KCNK2: variants seen among roughly 807,000 people sequenced by gnomAD.
The protein encoded by KCNK2 is potassium two pore domain channel subfamily K member 2.
KCNK2 carries 21 observed loss-of-function variants against 40.5 expected under a neutral mutation model. That is an observed-to-expected ratio of 0.52 (90% CI 0.37 to 0.75). The LOEUF is 0.75. KCNK2 is among the 30% of genes least tolerant of loss of function. KCNK2 has a pLI of 0.00. For missense variants in KCNK2, 399 were observed against 531.6 expected, an observed-to-expected ratio of 0.75 and a Z score of 2.45; for synonymous variants, 191 against 202.2, an observed-to-expected ratio of 0.94 and a Z score of 0.47.
chr1:215,206,715 C>T (rs920257120), intron 6 of KCNK2, among the ~76,000 whole-genome samples: 21 of 152,156 alleles, frequency 1.4e-4, no homozygotes, highest in Admixed American at 7.2e-4. Flanking sequence ...TCTTTGTTCA[C>T]GTGAGCACAT....
At chr1:215,111,204 A>G (rs565001210) in intron 2 of KCNK2, among the ~76,000 whole-genome samples, 2 of 152,004 alleles carry the variant, frequency 1.3e-5, no homozygotes, top group East Asian at 3.9e-4. Flanking sequence ...TCTGATTTGG[A>G]TGTCTTTTAT....
At chr1:215,177,740 A>ATATATAT (rs71167812) in intron 5 of KCNK2, among the ~76,000 whole-genome samples, 1,471 of 101,544 alleles carry the variant, frequency 0.014, 26 homozygotes, top group Non-Finnish European at 0.022. Context: ...ATATATATAT[A>ATATATAT]TTTTTTTTTT....
chr1:215,128,064 A>AGTT (rs1408231292), intron 3 of KCNK2, among the ~76,000 whole-genome samples: 2 of 152,202 alleles, frequency 1.3e-5, no homozygotes, highest in Admixed American at 1.3e-4. Context: ...GTGTGCCAAG[A>AGTT]GTTGTGAGTT....
chr1:215,216,830 A>T (rs1193389977), intron 6 of KCNK2, among the ~76,000 whole-genome samples: 1 of 152,166 alleles, frequency 6.6e-6, no homozygotes, highest in Non-Finnish European at 1.5e-5. Context: ...GACTGGCCGC[A>T]TTTAAAGCAC....
chr1:215,144,059 A>T (rs1358754172), intron 3 of KCNK2, among the ~76,000 whole-genome samples: 1 of 152,188 alleles, frequency 6.6e-6, no homozygotes. Context: ...TGCCTTTACC[A>T]TGTGTGAGAA....
chr1:215,214,637 G>A (rs1665884626), intron 6 of KCNK2, among the ~76,000 whole-genome samples: 1 of 151,976 alleles, frequency 6.6e-6, no homozygotes, highest in Non-Finnish European at 1.5e-5. Flanking sequence ...ACCAGCCTGG[G>A]CAACATGGCA....
chr1:215,006,970 G>C (rs1258059009), intron 1 of KCNK2, among the ~76,000 whole-genome samples: 1 of 132,852 alleles, frequency 7.5e-6, no homozygotes, highest in African/African-American at 2.9e-5. Flanking sequence ...CATTGGAAGG[G>C]TATCACTAAG....
intron 2 of KCNK2, among the ~76,000 whole-genome samples, chr1:215,101,994 T>C (rs1277038966): frequency 2.0e-5 from 3 of 151,996 alleles, no homozygotes; most frequent in Admixed American, 6.6e-5. Context: ...ATTTTTTGAG[T>C]TTTTAAATTG....
intron 1 of KCNK2, among the ~76,000 whole-genome samples, chr1:215,054,673 C>T (rs1166282339): frequency 6.6e-6 from 1 of 152,128 alleles, no homozygotes; most frequent in Non-Finnish European, 1.5e-5. Flanking sequence ...CTATAAATAA[C>T]AAGTGATAAT....
Position 215,168,248 on chromosome 1 carries a change from T to G in KCNK2, c.476-951T>G, listed in dbSNP as rs188851129. ...TGGAGAAATAGGAACACTTTTATAC[T>G]GTTGGTGGAAATGTAAATTAGTTCA... On this transcript the variant is annotated intron_variant, in intron 3 of 6. Transcript: ENST00000444842. Among the ~76,000 whole-genome samples, 97 of 152,322 alleles carry G rather than the reference T, an allele frequency of 6.4e-4. 1 individual carries two copies. Among genetic ancestry groups the G allele is most frequent in the African/African-American group, 2.0e-3 (85 of 41,580 alleles).
At chr1:215,101,475 T>C (rs1024034880) in intron 2 of KCNK2, among the ~76,000 whole-genome samples, 1 of 151,902 alleles carries the variant, frequency 6.6e-6, no homozygotes, top group Non-Finnish European at 1.5e-5. Flanking sequence ...CTTGATGTGT[T>C]CTAAGACCCA....
At chr1:215,009,113 G>A (rs1412342529) in intron 1 of KCNK2, among the ~76,000 whole-genome samples, 1 of 152,030 alleles carries the variant, frequency 6.6e-6, no homozygotes, top group African/African-American at 2.4e-5. Context: ...AAGTTTAAGG[G>A]CTGAAACTGT....
intron 1 of KCNK2, among the ~76,000 whole-genome samples, chr1:215,062,154 G>C (rs903544226): frequency 1.2e-4 from 18 of 152,260 alleles, no homozygotes; most frequent in Non-Finnish European, 2.5e-4. Flanking sequence ...GTCTCTGACA[G>C]AGTTAATTGT....
intron 3 of KCNK2, among the ~76,000 whole-genome samples, chr1:215,167,551 T>C (rs1663503459): frequency 6.6e-6 from 1 of 152,148 alleles, no homozygotes; most frequent in South Asian, 2.1e-4. Flanking sequence ...GCTACTTGAA[T>C]AGTAACAAGT....
rs542502415 is a variant in KCNK2 at position 215,096,932 on chromosome 1, A to G, written c.357+10254A>G. Among the ~76,000 whole-genome samples, 9 of 152,012 alleles carry G rather than the reference A, an allele frequency of 5.9e-5. No homozygotes were observed. In the South Asian group the frequency reaches 1.9e-3, roughly 32 times the overall value. On this transcript the variant is annotated intron_variant, in intron 2 of 6. Transcript: ENST00000444842. Reference sequence around the variant, plus strand: ...CCTTCTAATTTTTAAAAGTTCTTCAACAATAGTGCTTTGCTTTGTGTTCTT... The same window carrying G: ...CCTTCTAATTTTTAAAAGTTCTTCAGCAATAGTGCTTTGCTTTGTGTTCTT...
chr1:215,149,108 G>A (rs970835226), intron 3 of KCNK2, among the ~76,000 whole-genome samples: 1 of 152,130 alleles, frequency 6.6e-6, no homozygotes, highest in African/African-American at 2.4e-5. Context: ...GAAAGAGTTG[G>A]TTATTAGGAG....
chr1:215,139,996 A>G (rs1033260000), intron 3 of KCNK2, among the ~76,000 whole-genome samples: 1 of 152,200 alleles, frequency 6.6e-6, no homozygotes, highest in Admixed American at 6.5e-5. Context: ...ATATTATACC[A>G]TAATCACTGA....
At chr1:215,148,584 G>A (rs757539657) in intron 3 of KCNK2, among the ~76,000 whole-genome samples, 9 of 152,054 alleles carry the variant, frequency 5.9e-5, no homozygotes, top group Non-Finnish European at 1.2e-4. Flanking sequence ...TTGCATATCT[G>A]CTCTGAGCAA....
chr1:215,193,679 C>G (rs1015443933), intron 5 of KCNK2, among the ~76,000 whole-genome samples: 2 of 152,156 alleles, frequency 1.3e-5, no homozygotes, highest in Non-Finnish European at 2.9e-5. Flanking sequence ...TTCTCTGCCA[C>G]TAGATCTTTC....
Sources: gnomAD v4.1 joint callset for allele counts (sites outside exome capture counted in the v4.1 genomes callset) on GRCh38, gnomAD v4.1.1 for gene constraint, MANE v1.5 for transcripts, NCBI Gene and HGNC (gene_info 2026-07-23, HGNC 2026-07-21) for gene names.